DMD: variants seen among roughly 807,000 people sequenced by gnomAD.
DMD encodes the protein dystrophin, also known as mutant dystrophin.
A neutral mutation model predicts 330.1 loss-of-function variants in DMD; 63 were observed. The ratio of observed to expected loss-of-function variants is 0.19; its 90% confidence interval spans 0.16 to 0.24. The LOEUF is 0.24. Among genes scored for constraint, DMD ranks in the 10% least tolerant of loss-of-function variants. DMD has a pLI of 1.00. For synonymous variants in DMD, 1,223 were observed against 959.8 expected, an observed-to-expected ratio of 1.27 and a Z score of -5.07; for missense variants, 3,344 against 2,684.1, an observed-to-expected ratio of 1.25 and a Z score of -5.43.
At chrX:32,230,593 A>AT (rs1361351646) in intron 43 of DMD, among the ~76,000 whole-genome samples, 6 of 111,674 alleles carry the variant, frequency 5.4e-5, no homozygotes, top group East Asian at 2.8e-4. Flanking sequence ...TAGTATGAAG[A>AT]TTTTTTTTGA....
At chrX:32,204,975 C>CCTCTCTCT (rs1453764947) in intron 44 of DMD, among the ~76,000 whole-genome samples, 1 of 23,349 alleles carries the variant, frequency 4.3e-5, no homozygotes, top group Non-Finnish European at 1.1e-4. Context: ...ACATCCAAGC[C>CCTCTCTCT]ATCTCTCTCT....
chrX:32,150,724 C>A lies in DMD; in HGVS notation c.6438+66192G>T, dbSNP rs770578887. 2.7e-5 allele frequency among the ~76,000 whole-genome samples: 3 copies of A among 111,676 alleles called. No homozygotes were observed. The Admixed American group carries it at 2.9e-4, about 11-fold the overall frequency. ...AATTTCTGATATTTCTTTCATGATCCTCCCAGATTTTGACATTCCTTTCAA... is the reference window on the plus strand; with the variant it reads ...AATTTCTGATATTTCTTTCATGATCATCCCAGATTTTGACATTCCTTTCAA... On this transcript the variant is annotated intron_variant, in intron 44 of 78. Transcript: ENST00000357033.
intron 55 of DMD, among the ~76,000 whole-genome samples, chrX:31,518,293 CTGAGT>C (rs2072436595): frequency 1.8e-5 from 2 of 111,477 alleles, no homozygotes; most frequent in South Asian, 7.5e-4. Flanking sequence ...TAAAGACAGG[CTGAGT>C]TTTCTTTTTT....
chrX:32,879,025 C>CAAAAAAAAAAAAAAAAAAAAAA (rs2083646123), intron 2 of DMD, among the ~76,000 whole-genome samples: 1 of 96,873 alleles, frequency 1.0e-5, no homozygotes, highest in African/African-American at 3.9e-5. Flanking sequence ...AAACAAAAAA[C>CAAAAAAAAAAAAAAAAAAAAAA]AAAAAACAAA....
intron 9 of DMD, among the ~76,000 whole-genome samples, chrX:32,659,128 A>G (rs145275087): frequency 0.011 from 1,182 of 111,989 alleles, 22 homozygotes; most frequent in African/African-American, 0.036. Context: ...TGGTTCAATT[A>G]GATTTTAGGT....
At chrX:31,874,661 C>T (rs1161449175) in intron 48 of DMD, among the ~76,000 whole-genome samples, 3 of 111,031 alleles carry the variant, frequency 2.7e-5, no homozygotes, top group Non-Finnish European at 5.7e-5. Flanking sequence ...CCCTGCTTGA[C>T]TAAACTTTAG....
chrX:31,493,406 T>C (rs1157001867), intron 57 of DMD, among the ~76,000 whole-genome samples: 1 of 112,649 alleles, frequency 8.9e-6, no homozygotes, highest in African/African-American at 3.2e-5. Context: ...GGGAAAAGTT[T>C]GCACAATGTC....
chrX:33,271,836 A>C (rs10126281), intron 1 of DMD, among the ~76,000 whole-genome samples: 116 of 111,058 alleles, frequency 1.0e-3, no homozygotes, highest in African/African-American at 3.6e-3. Context: ...ATTTAAGTTA[A>C]AACATGAATA....
chrX:32,514,801 C>A (rs868215680), intron 18 of DMD, among the ~76,000 whole-genome samples: 15 of 112,549 alleles, frequency 1.3e-4, no homozygotes, highest in Admixed American at 2.8e-4. Context: ...TACATACATA[C>A]AATCATGACA....
intron 43 of DMD, among the ~76,000 whole-genome samples, chrX:32,269,544 C>A (rs914161775): frequency 9.0e-6 from 1 of 111,286 alleles, no homozygotes; most frequent in Admixed American, 9.6e-5. Flanking sequence ...TTGCTGAAGA[C>A]CCGTATGGAT....
At chrX:31,744,870 T>C (rs2087693050) in intron 51 of DMD, among the ~76,000 whole-genome samples, 1 of 112,204 alleles carries the variant, frequency 8.9e-6, no homozygotes, top group Non-Finnish European at 1.9e-5. Flanking sequence ...GTAGGGAATG[T>C]GCCTCATGGA....
chrX:32,758,725 G>GA (rs1287863228), intron 7 of DMD, among the ~76,000 whole-genome samples: 3 of 110,779 alleles, frequency 2.7e-5, no homozygotes, highest in Admixed American at 1.9e-4. Flanking sequence ...CAAAGTGTAA[G>GA]AGCTTAGCAC....
chrX:31,298,742 G>A (rs1239183010), intron 62 of DMD, among the ~76,000 whole-genome samples: 1 of 112,070 alleles, frequency 8.9e-6, no homozygotes, highest in Non-Finnish European at 1.9e-5. Context: ...TTGGCAATGA[G>A]TAAATGCTGC....
intron 60 of DMD, among the ~76,000 whole-genome samples, chrX:31,432,402 G>A (rs1208937742): frequency 2.7e-5 from 3 of 112,025 alleles, no homozygotes; most frequent in South Asian, 3.7e-4. Flanking sequence ...AAGACGCTGC[G>A]TAGTCAAGTT....
chrX:31,938,982 G>A (rs908486942), intron 45 of DMD, among the ~76,000 whole-genome samples: 30 of 111,147 alleles, frequency 2.7e-4, no homozygotes, highest in African/African-American at 8.8e-4. Context: ...ACTTCTACAA[G>A]CCTCCAAAAT....
intron 7 of DMD, among the ~76,000 whole-genome samples, chrX:32,730,343 C>G (rs1395695314): frequency 1.8e-5 from 2 of 111,987 alleles, no homozygotes; most frequent in Admixed American, 9.5e-5. Flanking sequence ...AATATCTTGT[C>G]TCTTAAAATA....
At chrX:32,842,052 C>T (rs2080208055) in intron 4 of DMD, among the ~76,000 whole-genome samples, 3 of 112,235 alleles carry the variant, frequency 2.7e-5, no homozygotes, top group Admixed American at 1.9e-4. Context: ...ATCCCAAAGT[C>T]ATATAAATTT....
intron 60 of DMD, among the ~76,000 whole-genome samples, chrX:31,372,929 G>A (rs1349454621): frequency 1.8e-5 from 2 of 111,544 alleles, no homozygotes; most frequent in Non-Finnish European, 1.9e-5. Context: ...AAACCCCATC[G>A]TCTCAACCCC....
chrX:31,760,045 TAA>T (rs1268006623), intron 51 of DMD, among the ~76,000 whole-genome samples: 1 of 111,667 alleles, frequency 9.0e-6, no homozygotes, highest in East Asian at 2.8e-4. Context: ...CTAACATTCC[TAA>T]AAGACTTTTC....
Sources: gnomAD v4.1 joint callset for allele counts (sites outside exome capture counted in the v4.1 genomes callset) on GRCh38, gnomAD v4.1.1 for gene constraint, MANE v1.5 for transcripts, NCBI Gene and HGNC (gene_info 2026-07-23, HGNC 2026-07-21) for gene names.